Variants in LPP observed in about 807,000 individuals in gnomAD.
The protein encoded by LPP is lipoma-preferred partner.
LPP carries 38 observed loss-of-function variants against 60.4 expected under a neutral mutation model. The observed-to-expected ratio is 0.63, with a 90% CI of 0.49 to 0.83. LPP has a LOEUF of 0.83. Ranked by LOEUF, LPP falls within the 40% of genes least tolerant of loss-of-function variation. The pLI is 0.00. For synonymous variants in LPP, 328 were observed against 290.8 expected, an observed-to-expected ratio of 1.13 and a Z score of -1.30; for missense variants, 902 against 783.6, an observed-to-expected ratio of 1.15 and a Z score of -1.80.
At chr3:188,415,667 G>A (rs1786033819) in intron 4 of LPP, among the ~76,000 whole-genome samples, 1 of 146,644 alleles carries the variant, frequency 6.8e-6, no homozygotes, top group Non-Finnish European at 1.5e-5. Flanking sequence ...CATGCTTAAT[G>A]AAAAAACTGT....
At position 188,572,913 on chromosome 3, in the gene LPP, G is replaced by A. The variant is rs148202236; in HGVS notation, c.430-36248G>A. 5.9e-5 allele frequency among the ~76,000 whole-genome samples: 9 copies of A among 152,142 alleles called. No homozygotes were observed. The highest frequency in any genetic ancestry group is 1.0e-4 in the Non-Finnish European group (7 of 67,996). On this transcript the variant is annotated intron_variant, in intron 6 of 11. Coordinates refer to ENST00000617246, the MANE Select transcript of LPP (RefSeq NM_001375462.1). The surrounding 1 kb of genome is among the most constrained non-coding windows in gnomAD (Gnocchi z 4.1). ...AAAGAGCTCTGAGGGTCTCAAACTG[G>A]CAATTCCACACTTTGACCTGGATGT...
chr3:188,562,607 C>G (rs547314233), intron 6 of LPP, among the ~76,000 whole-genome samples: 1 of 151,978 alleles, frequency 6.6e-6, no homozygotes, highest in Non-Finnish European at 1.5e-5. Context: ...TGTCAGCCTG[C>G]CAGATGGATC....
chr3:188,495,082 A>ATTTTTTTTTT (rs373434961), intron 5 of LPP, among the ~76,000 whole-genome samples: 5 of 97,270 alleles, frequency 5.1e-5, no homozygotes, highest in African/African-American at 2.0e-4. Flanking sequence ...ATATATATAT[A>ATTTTTTTTTT]TTTTATTTAT....
At chr3:188,498,933 C>A (rs1214655162) in intron 5 of LPP, among the ~76,000 whole-genome samples, 1 of 152,006 alleles carries the variant, frequency 6.6e-6, no homozygotes, top group East Asian at 1.9e-4. Flanking sequence ...TATGTATTAG[C>A]CATTTGTATA....
At chr3:188,225,959 CTT>C (rs1307222402) in intron 2 of LPP, among the ~76,000 whole-genome samples, 2 of 152,200 alleles carry the variant, frequency 1.3e-5, no homozygotes, top group African/African-American at 4.8e-5. Flanking sequence ...TTGAGTGTCT[CTT>C]GTTTGCCCTT....
chr3:188,547,857 A>G (rs893011242), intron 6 of LPP, among the ~76,000 whole-genome samples: 1 of 152,176 alleles, frequency 6.6e-6, no homozygotes, highest in African/African-American at 2.4e-5. Flanking sequence ...TCTGACTGAA[A>G]TAAGGAGTCT....
chr3:188,507,868 C>T (rs968512184), intron 5 of LPP, among the ~76,000 whole-genome samples: 6 of 152,104 alleles, frequency 3.9e-5, no homozygotes, highest in South Asian at 2.1e-4. Flanking sequence ...TAAAAGTTTC[C>T]CTGACTGCTT....
rs1379716847 is a variant in LPP at position 188,192,797 on chromosome 3, A to G, written c.-189-32608A>G. 3.3e-5 allele frequency among the ~76,000 whole-genome samples: 5 copies of G among 152,152 alleles called. No individual in the cohort carries two copies. In the East Asian group the frequency reaches 9.6e-4, roughly 29 times the overall value. On this transcript the variant is annotated intron_variant, in intron 1 of 11. Coordinates refer to ENST00000617246, the MANE Select transcript of LPP (RefSeq NM_001375462.1). The stretch of plus-strand genomic sequence containing the variant: ...GGCCCTTTTCTTGCCTAGAAATGTA[A>G]GTTGTGACAAAAACTGGAGGTGTCC...
At chr3:188,493,823 G>T (rs1304499206) in intron 5 of LPP, among the ~76,000 whole-genome samples, 1 of 151,746 alleles carries the variant, frequency 6.6e-6, no homozygotes, top group Non-Finnish European at 1.5e-5. Context: ...CCTACTATAT[G>T]GAATTGGATT....
intron 1 of LPP, among the ~76,000 whole-genome samples, chr3:188,204,639 C>A (rs936843364): frequency 1.3e-5 from 2 of 152,118 alleles, no homozygotes; most frequent in Admixed American, 6.5e-5. Context: ...GGATTGTTTT[C>A]GTTCCTGTTT....
At chr3:188,244,756 TTTGGCTTAATC>T (rs1432399933) in intron 2 of LPP, among the ~76,000 whole-genome samples, 29 of 152,284 alleles carry the variant, frequency 1.9e-4, no homozygotes, top group Admixed American at 1.6e-3. Flanking sequence ...ACACATCTCC[TTTGGCTTAATC>T]ACACTGCCTG....
chr3:188,599,221 C>CA (rs768358485), intron 6 of LPP, among the ~76,000 whole-genome samples: 1 of 152,074 alleles, frequency 6.6e-6, no homozygotes, highest in African/African-American at 2.4e-5. Flanking sequence ...CTCTCAAGTT[C>CA]AAAACCGATG....
chr3:188,828,816 A>G (rs985900383), intron 9 of LPP, among the ~76,000 whole-genome samples: 1 of 152,046 alleles, frequency 6.6e-6, no homozygotes, highest in Admixed American at 6.6e-5. Context: ...CCTGTCTCCT[A>G]TAAATATAGT....
intron 5 of LPP, among the ~76,000 whole-genome samples, chr3:188,511,202 C>CCCTCCCTT (rs1217516830): frequency 1.6e-5 from 2 of 121,604 alleles, no homozygotes; most frequent in East Asian, 2.9e-4. Flanking sequence ...CTCCCTCCTT[C>CCCTCCCTT]CCTCCCTTCC....
chr3:188,374,276 T>G (rs929845069), intron 3 of LPP, among the ~76,000 whole-genome samples: 22 of 152,250 alleles, frequency 1.4e-4, no homozygotes, highest in Non-Finnish European at 7.3e-5. Context: ...GGGATGGCAT[T>G]GAATCTATAA....
intron 9 of LPP, among the ~76,000 whole-genome samples, chr3:188,818,993 C>T (rs997201267): frequency 6.8e-6 from 1 of 147,076 alleles, no homozygotes; most frequent in Non-Finnish European, 1.5e-5. Context: ...GATTTGTTTA[C>T]CTTTCTGTCT....
In LPP at chr3:188,182,440, G is replaced by A. The variant is rs1432457563; in HGVS notation, c.-190+28188G>A. 1.3e-5 allele frequency among the ~76,000 whole-genome samples: 2 copies of A among 152,224 alleles called. No homozygotes were observed. Among genetic ancestry groups the A allele is most frequent in the Non-Finnish European group, 1.5e-5 (1 of 68,040 alleles). ...TCGGAACTTCCTGTGACTAGACCAT[G>A]GGTATTCCTTAATTGACTGACACAA... On this transcript the variant is annotated intron_variant, in intron 1 of 11. Coordinates refer to ENST00000617246, the MANE Select transcript of LPP (RefSeq NM_001375462.1). The surrounding 1 kb of genome is among the most constrained non-coding windows in gnomAD (Gnocchi z 4.4).
intron 9 of LPP, among the ~76,000 whole-genome samples, chr3:188,847,893 A>G (rs187891088): frequency 3.5e-4 from 54 of 152,316 alleles, no homozygotes; most frequent in Admixed American, 1.9e-3. Context: ...TTGTTAGGAA[A>G]AAAATTAATA....
intron 7 of LPP, among the ~76,000 whole-genome samples, chr3:188,612,809 T>C (rs1365052694): frequency 6.6e-6 from 1 of 152,036 alleles, no homozygotes; most frequent in Non-Finnish European, 1.5e-5. Flanking sequence ...CTCCCTTATA[T>C]TTGAGATGAG....
Sources: allele counts gnomAD v4.1 joint callset (sites outside exome capture counted in the v4.1 genomes callset), GRCh38; gene constraint gnomAD v4.1.1; non-coding constraint Gnocchi (gnomAD v3.1); transcripts MANE v1.5; gene names NCBI Gene and HGNC (gene_info 2026-07-23, HGNC 2026-07-21).